The following ATXN1 variants were observed in gnomAD, a reference collection of about 807,000 sequenced individuals.
The protein encoded by ATXN1 is ataxin 1, also known as ataxin-1.
In ATXN1, 8 loss-of-function variants were observed where a neutral mutation model predicts 56.4. The ratio of observed to expected loss-of-function variants is 0.14; its 90% CI spans 0.08 to 0.26. The LOEUF is 0.26. ATXN1 is among the 10% of genes least tolerant of loss of function. ATXN1 has a pLI of 1.00. For missense variants in ATXN1, 987 were observed against 1,106.5 expected, an observed-to-expected ratio of 0.89 and a Z score of 1.53; for synonymous variants, 514 against 494.6, an observed-to-expected ratio of 1.04 and a Z score of -0.52.
chr6:16,673,621 TATTG>T (rs542755787), intron 2 of ATXN1, among the ~76,000 whole-genome samples: 7 of 152,180 alleles, frequency 4.6e-5, no homozygotes, highest in Non-Finnish European at 2.9e-5. Context: ...TAGGATATGA[TATTG>T]ATTGATTGAT....
intron 3 of ATXN1, among the ~76,000 whole-genome samples, chr6:16,622,549 T>C (rs1023600652): frequency 6.6e-6 from 1 of 152,218 alleles, no homozygotes; most frequent in Non-Finnish European, 1.5e-5. Context: ...AGACTGCAGT[T>C]CTATTTTTAG....
At chr6:16,646,455 T>C (rs1184830567) in intron 3 of ATXN1, among the ~76,000 whole-genome samples, 2 of 152,246 alleles carry the variant, frequency 1.3e-5, no homozygotes, top group African/African-American at 2.4e-5. Flanking sequence ...GAATCTGATA[T>C]ATGGCACCAC....
chr6:16,534,894 A>AT (rs1226144069), intron 4 of ATXN1, among the ~76,000 whole-genome samples: 1 of 152,178 alleles, frequency 6.6e-6, no homozygotes, highest in Non-Finnish European at 1.5e-5. Context: ...GCCCTTCTGT[A>AT]TTCTGATTTT....
At chr6:16,669,423 C>T (rs774466638) in intron 2 of ATXN1, among the ~76,000 whole-genome samples, 2 of 152,132 alleles carry the variant, frequency 1.3e-5, no homozygotes, top group Non-Finnish European at 2.9e-5. Context: ...AAGGGCGTGG[C>T]GTACACTGAC....
chr6:16,509,498 C>T (rs148851107), intron 5 of ATXN1, among the ~76,000 whole-genome samples: 2 of 152,240 alleles, frequency 1.3e-5, no homozygotes, highest in African/African-American at 4.8e-5. Flanking sequence ...TCTGACTGTC[C>T]TATTTATGGT....
At chr6:16,383,990 T>C (rs1380952835) in intron 6 of ATXN1, among the ~76,000 whole-genome samples, 2 of 152,350 alleles carry the variant, frequency 1.3e-5, no homozygotes, top group Admixed American at 1.3e-4. Context: ...CAAACAGTCA[T>C]GCCAAGGTTA....
intron 3 of ATXN1, among the ~76,000 whole-genome samples, chr6:16,613,412 G>A (rs1561778952): frequency 6.6e-6 from 1 of 151,216 alleles, no homozygotes; most frequent in African/African-American, 2.4e-5. Flanking sequence ...CTTACTGCTA[G>A]CTAATCTTAA....
intron 2 of ATXN1, among the ~76,000 whole-genome samples, chr6:16,684,718 A>G (rs1758881623): frequency 8.5e-5 from 13 of 152,110 alleles, no homozygotes; most frequent in Admixed American, 7.9e-4. Context: ...AACCTCAATC[A>G]TTTACTCTCT....
At chr6:16,308,982 T>C (rs1760321971) in intron 7 of ATXN1, among the ~76,000 whole-genome samples, 1 of 152,008 alleles carries the variant, frequency 6.6e-6, no homozygotes, top group Non-Finnish European at 1.5e-5. Context: ...ATCTCAGTAC[T>C]TTGGGAGGCT....
At chr6:16,557,731 T>C (rs928155227) in intron 4 of ATXN1, among the ~76,000 whole-genome samples, 9 of 152,226 alleles carry the variant, frequency 5.9e-5, no homozygotes, top group Non-Finnish European at 8.8e-5. Context: ...TGGGTGTCAC[T>C]GCACTTTAGT....
intron 3 of ATXN1, among the ~76,000 whole-genome samples, chr6:16,630,969 C>T (rs1441357887): frequency 2.0e-5 from 3 of 152,108 alleles, no homozygotes; most frequent in Admixed American, 1.3e-4. Flanking sequence ...TCTTTGTTGG[C>T]TTATGAAGGA....
chr6:16,664,475 C>G (rs1758385764), intron 2 of ATXN1, among the ~76,000 whole-genome samples: 1 of 151,528 alleles, frequency 6.6e-6, no homozygotes, highest in South Asian at 2.1e-4. Context: ...TTATGTTGTG[C>G]CAAAATTAAA....
chr6:16,308,362 ACACAC>A (rs1007042187), intron 7 of ATXN1, among the ~76,000 whole-genome samples: 8 of 143,966 alleles, frequency 5.6e-5, no homozygotes, highest in South Asian at 2.3e-4. Flanking sequence ...ACACACACAC[ACACAC>A]ACTTCCTGGG....
In ATXN1 at chr6:16,682,762, A is replaced by G. The variant is rs546998611; in HGVS notation, c.-614-24861T>C. ...ATAAGGGACCATGAGGAAGAGATCC[A>G]GGTCTCCACATTTACTGTACAAGTA... On this transcript the variant is annotated intron_variant, in intron 2 of 7. Coordinates refer to ENST00000436367, the MANE Select transcript of ATXN1 (RefSeq NM_001128164.2). Among the ~76,000 whole-genome samples the G allele has an allele frequency of 4.2e-4, 64 of 152,368 alleles. No homozygotes were observed. The Middle Eastern group carries it at 0.02, about 49-fold the overall frequency.
chr6:16,366,001 CCT>C (rs1283959555), intron 6 of ATXN1, among the ~76,000 whole-genome samples: 1 of 151,962 alleles, frequency 6.6e-6, no homozygotes, highest in South Asian at 2.1e-4. Context: ...TCTTTTTTCC[CCT>C]GTGTTTCAAC....
chr6:16,413,260 AG>A (rs1758838245), intron 6 of ATXN1, among the ~76,000 whole-genome samples: 1 of 152,236 alleles, frequency 6.6e-6, no homozygotes, highest in Non-Finnish European at 1.5e-5. Context: ...TTATGGATGC[AG>A]AATTCAAACC....
At chr6:16,440,577 G>C (rs1229160954) in intron 6 of ATXN1, among the ~76,000 whole-genome samples, 8 of 141,994 alleles carry the variant, frequency 5.6e-5, no homozygotes, top group Non-Finnish European at 1.0e-4. Flanking sequence ...GGAGCCAGAG[G>C]TTGCAGTGAG....
chr6:16,737,894 C>T (rs9358103), intron 2 of ATXN1: 1 of 151,710 alleles, frequency 6.6e-6, no homozygotes, highest in East Asian at 1.9e-4. Context: ...AAACAATAAA[C>T]CCAAGTAGCA....
chr6:16,577,967 C>A (rs1158472036), intron 4 of ATXN1, among the ~76,000 whole-genome samples: 1 of 152,148 alleles, frequency 6.6e-6, no homozygotes, highest in Non-Finnish European at 1.5e-5. Flanking sequence ...CCTAAGGTCA[C>A]AAAGCTGATA....
Sources: gnomAD v4.1 joint callset for allele counts (sites outside exome capture counted in the v4.1 genomes callset) on GRCh38, gnomAD v4.1.1 for gene constraint, MANE v1.5 for transcripts, NCBI Gene and HGNC (gene_info 2026-07-23, HGNC 2026-07-21) for gene names.